Variants in CTNNB1 observed in about 807,000 individuals in gnomAD.
The protein encoded by CTNNB1 is catenin beta 1, also known as catenin beta-1.
CTNNB1 carries 6 observed loss-of-function variants against 82.5 expected under a neutral mutation model. The observed-to-expected ratio is 0.07, with a 90% CI of 0.04 to 0.14. CTNNB1 has a LOEUF of 0.14. CTNNB1 is among the 10% of genes least tolerant of loss of function. The pLI is 1.00. For synonymous variants in CTNNB1, 312 were observed against 329.7 expected (o/e 0.95, Z 0.58); for missense variants, 529 against 980.4 (o/e 0.54, Z 6.15).
At chr3:41,231,293 CT>C (rs2078301437) in intron 7 of CTNNB1, among the ~76,000 whole-genome samples, 1 of 149,704 alleles carries the variant, frequency 6.7e-6, no homozygotes, top group African/African-American at 2.5e-5. Flanking sequence ...CGCCACTGCA[CT>C]TCAGCCTGGG....
intron 14 of CTNNB1, among the ~76,000 whole-genome samples, chr3:41,238,684 A>C (rs1363435649): frequency 6.6e-6 from 1 of 152,170 alleles, no homozygotes; most frequent in African/African-American, 2.4e-5. Context: ...GCCTTTCCTT[A>C]GTACTTTTGT....
intron 7 of CTNNB1, among the ~76,000 whole-genome samples, chr3:41,229,210 ATTTTTAAATAGTTT>A (rs1238279207): frequency 6.6e-6 from 1 of 151,904 alleles, no homozygotes; most frequent in Non-Finnish European, 1.5e-5. Context: ...GTTCATATGA[ATTTTTAAATAGTTT>A]TTTTTTAATT....
rs2078147191 is a variant in CTNNB1 at position 41,225,276 on chromosome 3, T to C, written c.496-58T>C. 1 of 1,613,718 alleles carries C rather than the reference T, an allele frequency of 6.2e-7. No individual in the cohort carries two copies. Among genetic ancestry groups the C allele is most frequent in the African/African-American group, 1.3e-5 (1 of 74,912 alleles). On this transcript the variant is annotated intron_variant, in intron 4 of 14. Transcript: ENST00000349496. The surrounding 1 kb of genome is among the most constrained non-coding windows in gnomAD (Gnocchi z 5.3). ...ATGCTCAAGGGGAGTAGTTTCAGAATGTCTACCCAATACCAGTACTTGAAA... is the reference window on the plus strand; with the variant it reads ...ATGCTCAAGGGGAGTAGTTTCAGAACGTCTACCCAATACCAGTACTTGAAA...
At chr3:41,237,181 A>C (rs2078455444) in intron 13 of CTNNB1, 1 of 208,510 alleles carries the variant, frequency 4.8e-6, no homozygotes, top group African/African-American at 2.4e-5. Flanking sequence ...TATTTTATCC[A>C]TTCTATAGAG....
At chr3:41,220,382 A>ACCCACC in intron 1 of CTNNB1, among the ~76,000 whole-genome samples, 1 of 146,556 alleles carries the variant, frequency 6.8e-6, no homozygotes, top group South Asian at 2.1e-4. Flanking sequence ...GAACACACAC[A>ACCCACC]CCCACACCCA....
At position 41,225,206 on chromosome 3, in the gene CTNNB1, A is replaced by C; in HGVS notation, c.494A>C (p.Gln165Pro). 6.2e-7 allele frequency: 1 copy of C among 1,614,100 alleles called. No homozygotes were observed. The highest frequency in any genetic ancestry group is 8.5e-7 in the Non-Finnish European group (1 of 1,179,988). ...ACAAAACTGCTAAATGACGAGGACC[A>C]GGTAAGCAATGACATAGCTAGCTTT... ...ELTKLLNDED[Q>P]VVVNKAAVMV... is the part of the protein sequence containing the mutation. The change falls in exon 4 of 15, where the codon CAG (glutamine) becomes CCG (proline). Residue 165 changes from glutamine (Q) to proline (P), a missense_variant and splice_region_variant. Coordinates refer to ENST00000349496, the MANE Select transcript of CTNNB1 (RefSeq NM_001904.4). This position sits in a 1 kb window ranked among gnomAD's most constrained non-coding sequence, Gnocchi z 5.3.
chr3:41,210,811 A>G (rs985340309), intron 1 of CTNNB1, among the ~76,000 whole-genome samples: 2 of 150,480 alleles, frequency 1.3e-5, no homozygotes, highest in Non-Finnish European at 3.0e-5. Flanking sequence ...TTTTTTTGAG[A>G]TGGCATCTCA....
intron 7 of CTNNB1, among the ~76,000 whole-genome samples, chr3:41,232,953 T>C (rs973077655): frequency 2.6e-5 from 4 of 152,130 alleles, no homozygotes; most frequent in African/African-American, 9.7e-5. Context: ...ATTCTGAGGG[T>C]AGGAACTTCT....
chr3:41,237,258 G>A (rs1385841819), intron 13 of CTNNB1: 1 of 162,734 alleles, frequency 6.1e-6, no homozygotes, highest in African/African-American at 2.4e-5. Flanking sequence ...GAGATTGTTA[G>A]GTTTACAACG....
intron 1 of CTNNB1, among the ~76,000 whole-genome samples, chr3:41,205,106 C>T (rs977460523): frequency 2.6e-5 from 4 of 152,150 alleles, no homozygotes; most frequent in Non-Finnish European, 5.9e-5. Flanking sequence ...TTTAAGAGGT[C>T]TCAAAACTTA....
intron 9 of CTNNB1, 99 bp from the exon 10 acceptor site, chr3:41,234,040 T>C (rs768670635): frequency 6.0e-5 from 91 of 1,526,218 alleles, no homozygotes; most frequent in Non-Finnish European, 7.9e-5. Flanking sequence ...TAGTCAGAAC[T>C]ACTTTTAGTT....
intron 1 of CTNNB1, among the ~76,000 whole-genome samples, chr3:41,200,884 C>A (rs773294329): frequency 3.9e-5 from 6 of 152,172 alleles, no homozygotes; most frequent in Non-Finnish European, 8.8e-5. Context: ...GTCTTCCCCC[C>A]ACCCCTCGAG....
At chr3:41,214,252 C>T (rs1025015396) in intron 1 of CTNNB1, among the ~76,000 whole-genome samples, 1 of 152,132 alleles carries the variant, frequency 6.6e-6, no homozygotes, top group African/African-American at 2.4e-5. Context: ...GGCCCTTCCC[C>T]AGCCCCTCTG....
intron 1 of CTNNB1, among the ~76,000 whole-genome samples, chr3:41,217,644 G>A (rs753400061): frequency 6.6e-6 from 1 of 152,154 alleles, no homozygotes; most frequent in Non-Finnish European, 1.5e-5. Context: ...ACACTTTAAT[G>A]GATAGTGGCA....
chr3:41,239,043 C>CCTAA, intron 14 of CTNNB1, 91 bp from the exon 15 acceptor site: 1 of 1,106,066 alleles, frequency 9.0e-7, no homozygotes, highest in Non-Finnish European at 1.4e-6. Context: ...CTTTGGATGC[C>CCTAA]CTAACCTCAG....
chr3:41,217,200 C>T (rs2077934002), intron 1 of CTNNB1, among the ~76,000 whole-genome samples: 1 of 152,168 alleles, frequency 6.6e-6, no homozygotes, highest in Non-Finnish European at 1.5e-5. Context: ...GTGTTCTGCC[C>T]CATCTTTACG....
At chr3:41,212,063 T>C (rs943053009) in intron 1 of CTNNB1, among the ~76,000 whole-genome samples, 1 of 152,224 alleles carries the variant, frequency 6.6e-6, no homozygotes, top group African/African-American at 2.4e-5. Flanking sequence ...CCTTTTTGTT[T>C]TTCCTCAAAC....
At chr3:41,208,879 AAAT>A (rs1399980669) in intron 1 of CTNNB1, among the ~76,000 whole-genome samples, 2 of 152,142 alleles carry the variant, frequency 1.3e-5, no homozygotes, top group African/African-American at 2.4e-5. Flanking sequence ...ATTACAAAAA[AAAT>A]TTTTTCTCCG....
intron 1 of CTNNB1, 55 bp from the exon 2 acceptor site, chr3:41,223,966 G>C (rs2125615490): frequency 8.2e-7 from 1 of 1,224,692 alleles, no homozygotes; most frequent in Non-Finnish European, 1.2e-6. Flanking sequence ...AGTGACTTAG[G>C]AGTATTAATC....
Sources: gnomAD v4.1 joint callset for allele counts (sites outside exome capture counted in the v4.1 genomes callset) on GRCh38, gnomAD v4.1.1 for gene constraint, Gnocchi (gnomAD v3.1) non-coding constraint, MANE v1.5 for transcripts, NCBI Gene and HGNC (gene_info 2026-07-23, HGNC 2026-07-21) for gene names.